Variants in DNAJC1 observed in about 807,000 individuals in gnomAD.
DNAJC1 encodes the protein DnaJ heat shock protein family (Hsp40) member C1.
Under a neutral mutation model 76.6 loss-of-function variants are expected in DNAJC1, and 58 were observed. The ratio of observed to expected loss-of-function variants is 0.76; its 90% CI spans 0.61 to 0.94. The LOEUF (loss-of-function observed/expected upper bound fraction) is 0.94. DNAJC1 is among the 40% of genes least tolerant of loss of function. The probability of loss-of-function intolerance (pLI) is 0.00; values close to 1 mark genes in which losing one functional copy is unlikely to be tolerated. For synonymous variants in DNAJC1, 258 were observed against 267.9 expected, an observed-to-expected ratio of 0.96 and a Z score of 0.36; for missense variants, 689 against 677.3, an observed-to-expected ratio of 1.02 and a Z score of -0.19.
chr10:21,852,271 A>G (rs1053355659), intron 8 of DNAJC1, among the ~76,000 whole-genome samples: 3 of 152,108 alleles, frequency 2.0e-5, no homozygotes, highest in African/African-American at 7.2e-5. Flanking sequence ...CAGAACAGGT[A>G]AATTCATAGA....
rs567915887 is a variant in DNAJC1 at position 21,856,142 on chromosome 10, G to T, written c.978+26140C>A. Among the ~76,000 whole-genome samples the T allele has an allele frequency of 3.3e-5, 5 of 152,234 alleles. No homozygotes were observed. The South Asian group carries it at 6.2e-4, about 19-fold the overall frequency. ...TGAAGGTAGATATTATCTCTAAAGG[G>T]TTTTGTTTTGAAAGGTAAAGAAACC... On this transcript the variant is annotated intron_variant, in intron 8 of 11. Coordinates refer to ENST00000376980, the MANE Select transcript of DNAJC1 (RefSeq NM_022365.4).
chr10:21,842,652 A>G (rs1269405774), intron 8 of DNAJC1, among the ~76,000 whole-genome samples: 1 of 152,238 alleles, frequency 6.6e-6, no homozygotes, highest in African/African-American at 2.4e-5. Flanking sequence ...TCAGGATAGA[A>G]TGAAATGAAA....
At chr10:21,881,155 G>T (rs1019938720) in intron 8 of DNAJC1, among the ~76,000 whole-genome samples, 3 of 152,218 alleles carry the variant, frequency 2.0e-5, no homozygotes, top group Admixed American at 1.3e-4. Flanking sequence ...AGAATGAAGA[G>T]AGAGAGGGCA....
At chr10:21,811,519 C>T (rs1162236957) in intron 8 of DNAJC1, among the ~76,000 whole-genome samples, 1 of 152,118 alleles carries the variant, frequency 6.6e-6, no homozygotes, top group Non-Finnish European at 1.5e-5. Flanking sequence ...GAGTTGTGTG[C>T]AAGTAATGAC....
chr10:21,909,301 C>T (rs866682388), intron 6 of DNAJC1, among the ~76,000 whole-genome samples: 8 of 152,118 alleles, frequency 5.3e-5, no homozygotes, highest in Admixed American at 1.3e-4. Context: ...GTTCTTTGTA[C>T]GTAATTATAG....
At chr10:21,996,008 C>T (rs1838410562) in intron 1 of DNAJC1, among the ~76,000 whole-genome samples, 2 of 152,092 alleles carry the variant, frequency 1.3e-5, no homozygotes, top group Admixed American at 1.3e-4. Flanking sequence ...CATATTTTTA[C>T]ATTCATTAGT....
chr10:21,920,253 G>C lies in DNAJC1; in HGVS notation c.538-324C>G, dbSNP rs147310911. On this transcript the variant is annotated intron_variant, in intron 4 of 11. Transcript: ENST00000376980. Reference sequence around the variant, plus strand: ...TCACTTCAAAAGGAATGAGTAAACAGATGCTAATTCATGAATACTGATAAA... The same window carrying C: ...TCACTTCAAAAGGAATGAGTAAACACATGCTAATTCATGAATACTGATAAA... Among the ~76,000 whole-genome samples, 7 of 152,060 alleles carry C rather than the reference G, an allele frequency of 4.6e-5. No homozygotes were observed. In the East Asian group the frequency reaches 1.3e-3, roughly 29 times the overall value.
intron 8 of DNAJC1, among the ~76,000 whole-genome samples, chr10:21,839,641 G>C (rs978812206): frequency 5.3e-5 from 8 of 152,194 alleles, no homozygotes; most frequent in Non-Finnish European, 1.2e-4. Flanking sequence ...CCCAGGACTA[G>C]ATGGATTCAC....
chr10:21,966,986 C>A (rs1837902090), intron 1 of DNAJC1, among the ~76,000 whole-genome samples: 1 of 150,078 alleles, frequency 6.7e-6, no homozygotes, highest in African/African-American at 2.5e-5. Flanking sequence ...CTGCACCCGG[C>A]CTTGCCCACC....
At chr10:21,856,778 C>T (rs1445041252) in intron 8 of DNAJC1, among the ~76,000 whole-genome samples, 2 of 151,988 alleles carry the variant, frequency 1.3e-5, no homozygotes, top group East Asian at 1.9e-4. Flanking sequence ...CTCTTCTCAC[C>T]CAGGCTGGAG....
intron 9 of DNAJC1, among the ~76,000 whole-genome samples, chr10:21,780,398 T>C (rs1321282659): frequency 1.4e-4 from 21 of 152,336 alleles, no homozygotes; most frequent in Middle Eastern, 3.4e-3. Context: ...GCTGATCTCT[T>C]GGCAGAAACT....
intron 8 of DNAJC1, among the ~76,000 whole-genome samples, chr10:21,853,787 C>CAAAAAA (rs1011936425): frequency 4.0e-4 from 5 of 12,598 alleles, no homozygotes; most frequent in Admixed American, 2.3e-3. Flanking sequence ...GACTCCATCT[C>CAAAAAA]AAAAAAAAAA....
rs1834878375 is a variant in DNAJC1 at position 21,805,997 on chromosome 10, C to T, written c.1081G>A (p.Gly361Ser). 6.2e-7 allele frequency: 1 copy of T among 1,611,414 alleles called. No individual in the cohort carries two copies. The highest frequency in any genetic ancestry group is 1.3e-5 in the African/African-American group (1 of 74,806). ...GRWEKIAHELGRSVTDVTTKA... is the reference protein window; with the variant it reads ...GRWEKIAHELSRSVTDVTTKA... Reference sequence around the variant, plus strand: ...GAACTCACATCTGTCACAGATCGACCCAATTCGTGGGCAATCTTTTCCCAT... The same window carrying T: ...GAACTCACATCTGTCACAGATCGACTCAATTCGTGGGCAATCTTTTCCCAT... The change falls in exon 9 of 12, where the codon GGT becomes AGT. Residue 361 changes from glycine (G) to serine (S), a missense_variant. Gly to Ser is a moderately conservative substitution (Grantham distance 56, BLOSUM62 0). Coordinates refer to ENST00000376980, the MANE Select transcript of DNAJC1 (RefSeq NM_022365.4).
chr10:21,761,395 AC>A (rs1477107673), intron 10 of DNAJC1, among the ~76,000 whole-genome samples: 1 of 151,938 alleles, frequency 6.6e-6, no homozygotes, highest in Admixed American at 6.5e-5. Flanking sequence ...CCCTGTCTCT[AC>A]AAAAATGCAA....
intron 8 of DNAJC1, among the ~76,000 whole-genome samples, chr10:21,814,738 G>A (rs751506715): frequency 6.6e-6 from 1 of 152,136 alleles, no homozygotes; most frequent in Admixed American, 6.6e-5. Context: ...CAAGGACGAC[G>A]ACTTGAAGAG....
Position 21,852,629 on chromosome 10 carries a change from G to A in DNAJC1, c.978+29653C>T, listed in dbSNP as rs773750570. 1.4e-3 allele frequency among the ~76,000 whole-genome samples: 209 copies of A among 152,140 alleles called. 2 individuals are homozygous for A. The highest frequency in any genetic ancestry group is 1.4e-3 in the Non-Finnish European group (96 of 68,034). Reference sequence around the variant, plus strand: ...AATCCTCATGAACTAACTGGTGGATGTATAAATTGGTTACAATTACTTGGG... The same window carrying A: ...AATCCTCATGAACTAACTGGTGGATATATAAATTGGTTACAATTACTTGGG... On this transcript the variant is annotated intron_variant, in intron 8 of 11. Transcript: ENST00000376980.
chr10:21,759,227 T>C lies in DNAJC1; in HGVS notation c.1539A>G (p.Pro513=), dbSNP rs571472714. The C allele has an allele frequency of 6.2e-7, 1 of 1,614,210 alleles. No individual in the cohort carries two copies. The highest frequency in any genetic ancestry group is 1.1e-5 in the South Asian group (1 of 91,084). Residue 513 remains proline (P), a synonymous_variant, in exon 11 of 12, where the codon CCA becomes CCG. Coordinates refer to ENST00000376980, the MANE Select transcript of DNAJC1 (RefSeq NM_022365.4). ...TGTCCCAGCGGTCAGAGGATCCCCTTGGGTACTGCTGCAACGCCAGTTCCA... is the reference window on the plus strand; with the variant it reads ...TGTCCCAGCGGTCAGAGGATCCCCTCGGGTACTGCTGCAACGCCAGTTCCA... ...KLLELALQQY[P]RGSSDRWDKI...
chr10:21,803,929 T>C lies in DNAJC1; in HGVS notation c.1098+2051A>G, dbSNP rs1319243367. The C allele has an allele frequency of 5.1e-6, 5 of 982,758 alleles. No homozygotes were observed. In the African/African-American group the frequency reaches 8.8e-5, roughly 17 times the overall value. The allele number at this position is 982,758 out of a possible 1,614,324, so 60.9% of individuals were successfully genotyped here. ...CACAATGTCAGGTTTTCCACTTCCA[T>C]GATAAAGGGAAAAAATATCTATTGC... On this transcript the variant is annotated intron_variant, in intron 9 of 11. Transcript: ENST00000376980.
At chr10:21,774,571 T>A (rs943471578) in intron 9 of DNAJC1, among the ~76,000 whole-genome samples, 4 of 152,150 alleles carry the variant, frequency 2.6e-5, no homozygotes, top group African/African-American at 9.7e-5. Flanking sequence ...GCCTCCTGGG[T>A]TCATGCCATT....
Sources: allele counts gnomAD v4.1 joint callset (sites outside exome capture counted in the v4.1 genomes callset), GRCh38; gene constraint gnomAD v4.1.1; transcripts MANE v1.5; gene names NCBI Gene and HGNC (gene_info 2026-07-23, HGNC 2026-07-21).